The following FBLN2 variants were observed in gnomAD, a reference collection of about 807,000 sequenced individuals.
FBLN2 encodes fibulin-2.
In FBLN2, 81 loss-of-function variants were observed where a neutral mutation model predicts 123.7. The ratio of observed to expected loss-of-function variants is 0.65; its 90% CI spans 0.55 to 0.79. The LOEUF (loss-of-function observed/expected upper bound fraction) is 0.79, where lower values mean the gene tolerates loss of function less well. FBLN2 is among the 30% of genes least tolerant of loss of function. FBLN2 has a pLI of 0.00. For missense variants in FBLN2, 1,603 were observed against 1,681.3 expected, an observed-to-expected ratio of 0.95 and a Z score of 0.81; for synonymous variants, 699 against 701.4, an observed-to-expected ratio of 1.00 and a Z score of 0.05.
intron 1 of FBLN2, among the ~76,000 whole-genome samples, chr3:13,549,765 CCTGTCACCA>C (rs1703273743): frequency 6.6e-6 from 1 of 152,034 alleles, no homozygotes; most frequent in South Asian, 2.1e-4. Flanking sequence ...GCCCACCCTG[CCTGTCACCA>C]CATCCTCCCT....
intron 1 of FBLN2, among the ~76,000 whole-genome samples, chr3:13,550,737 G>A (rs1230363606): frequency 1.3e-5 from 2 of 152,206 alleles, no homozygotes; most frequent in African/African-American, 2.4e-5. Flanking sequence ...CCCCTGGGGT[G>A]CACCCTTGAC....
intron 9 of FBLN2, 89 bp downstream of exon 9, chr3:13,622,004 G>C: frequency 1.4e-6 from 2 of 1,467,760 alleles, no homozygotes; most frequent in Non-Finnish European, 1.8e-6. Flanking sequence ...CATGCCAAAG[G>C]GCCTGCCCTT....
At chr3:13,550,803 A>C (rs1037006684) in intron 1 of FBLN2, among the ~76,000 whole-genome samples, 12 of 152,204 alleles carry the variant, frequency 7.9e-5, no homozygotes, top group African/African-American at 2.9e-4. Context: ...CAGGGGATGA[A>C]GTCAAAGAAT....
At chr3:13,559,519 A>G (rs1299504083) in intron 1 of FBLN2, among the ~76,000 whole-genome samples, 2 of 152,130 alleles carry the variant, frequency 1.3e-5, no homozygotes, top group South Asian at 2.1e-4. Flanking sequence ...TATAGTCTCT[A>G]ATTGTCCTGG....
chr3:13,582,750 C>T (rs542621047), intron 2 of FBLN2, among the ~76,000 whole-genome samples: 17 of 152,356 alleles, frequency 1.1e-4, no homozygotes, highest in African/African-American at 3.8e-4. Context: ...GGCGGGCTAA[C>T]GGCAGCCAGC....
At chr3:13,581,635 G>C (rs769653874) in intron 2 of FBLN2, among the ~76,000 whole-genome samples, 2 of 152,104 alleles carry the variant, frequency 1.3e-5, no homozygotes, top group Non-Finnish European at 2.9e-5. Context: ...CTGGCCACGA[G>C]AGTCACTGCA....
At chr3:13,586,916 G>A in intron 2 of FBLN2, among the ~76,000 whole-genome samples, 1 of 151,482 alleles carries the variant, frequency 6.6e-6, no homozygotes, top group East Asian at 1.9e-4. Context: ...GGGAGGCTGA[G>A]GGCGGATCAC....
At chr3:13,610,639 T>C (rs921538771) in intron 4 of FBLN2, among the ~76,000 whole-genome samples, 1 of 152,160 alleles carries the variant, frequency 6.6e-6, no homozygotes, top group African/African-American at 2.4e-5. Flanking sequence ...GAGATCAGTT[T>C]GTCTACTAGA....
chr3:13,624,467 C>G (rs1271840178), intron 9 of FBLN2, among the ~76,000 whole-genome samples: 1 of 152,316 alleles, frequency 6.6e-6, no homozygotes, highest in African/African-American at 2.4e-5. Flanking sequence ...CCAAGCCTTC[C>G]TTGGAAACCA....
chr3:13,615,991 A>T (rs1409988493), intron 5 of FBLN2, among the ~76,000 whole-genome samples: 2 of 152,214 alleles, frequency 1.3e-5, no homozygotes, highest in Admixed American at 1.3e-4. Context: ...CTACAGGAAG[A>T]GCTCATATCC....
Position 13,631,318 on chromosome 3 carries a change from C to T in FBLN2, c.3086-11C>T, listed in dbSNP as rs764142584. 1.9e-6 allele frequency: 3 copies of T among 1,600,204 alleles called. No homozygotes were observed. Among genetic ancestry groups the T allele is most frequent in the Middle Eastern group, 1.6e-4 (1 of 6,068 alleles). ...ACGAGGTTCACCAGGGGCTGAACCT[C>T]TCTCTGACAGACATCGACGAGTGTG... On this transcript the variant is annotated splice_polypyrimidine_tract_variant and intron_variant, in intron 15 of 17. Transcript: ENST00000404922.
rs1703880082 is a variant in FBLN2, at chr3:13,570,096, C to T, written c.-41-219C>T. 1.3e-5 allele frequency among the ~76,000 whole-genome samples: 2 copies of T among 152,140 alleles called. 1 individual carries two copies. The highest frequency in any genetic ancestry group is 4.1e-4 in the South Asian group (2 of 4,830). ...GGCTGTCAGCGACTCCAGGTCAACA[C>T]CTGTGGCGCCCAGCGACTAGACACT... On this transcript the variant is annotated intron_variant, in intron 1 of 17. Coordinates refer to ENST00000404922, the MANE Select transcript of FBLN2 (RefSeq NM_001004019.2).
At position 13,629,759 on chromosome 3, in the gene FBLN2, G is replaced by T; in HGVS notation, c.2843-61G>T. 5.2e-6 allele frequency: 8 copies of T among 1,529,536 alleles called. No individual in the cohort carries two copies. In the Admixed American group the frequency reaches 6.4e-5, roughly 12 times the overall value. The allele number at this position is 1,529,536 out of a possible 1,614,324, so 94.7% of individuals were successfully genotyped here. On this transcript the variant is annotated intron_variant, in intron 13 of 17. Transcript: ENST00000404922. ...CCCCTTCGGCCCTGGATGGCCCTTG[G>T]GGGTGGAGGGAGCTGGCTTTAGGGC... is the stretch of plus-strand genomic sequence containing the variant.
intron 4 of FBLN2, 50 bp downstream of exon 4, chr3:13,609,692 G>GGGGGGC: frequency 2.2e-5 from 11 of 508,392 alleles, no homozygotes; most frequent in East Asian, 1.3e-4. Context: ...GGCGGGGCGG[G>GGGGGGC]AGGCTGGCCT....
intron 1 of FBLN2, among the ~76,000 whole-genome samples, chr3:13,554,963 T>G (rs865980287): frequency 1.4e-5 from 1 of 71,982 alleles, no homozygotes; most frequent in Non-Finnish European, 2.9e-5. Flanking sequence ...TTTTTTTTTT[T>G]TTTTTTAAAT....
In FBLN2 at chr3:13,631,436, G is replaced by A; in HGVS notation, c.3193G>A (p.Ala1065Thr). 1 of 1,594,556 alleles carries A rather than the reference G, an allele frequency of 6.3e-7. No homozygotes were observed. The highest frequency in any genetic ancestry group is 8.5e-7 in the Non-Finnish European group (1 of 1,170,764). ...ACPEQGYTMT[A>T]NGRSCKDVDE... Reference sequence around the variant, plus strand: ...CCCTGAGCAGGGCTACACCATGACGGCCAACGGGAGGTCCTGCAAGGGTGA... The same window carrying A: ...CCCTGAGCAGGGCTACACCATGACGACCAACGGGAGGTCCTGCAAGGGTGA... The change falls in exon 16 of 18, where the codon GCC (alanine) becomes ACC (threonine). Residue 1065 changes from alanine (A) to threonine (T), a missense_variant. Ala to Thr is a moderately conservative substitution (Grantham distance 58). Transcript: ENST00000404922.
intron 1 of FBLN2, among the ~76,000 whole-genome samples, chr3:13,551,682 G>A (rs1400479822): frequency 6.6e-6 from 1 of 152,074 alleles, no homozygotes; most frequent in African/African-American, 2.4e-5. Context: ...AAATGCTTGG[G>A]GCATGCTGAT....
intron 4 of FBLN2, among the ~76,000 whole-genome samples, chr3:13,612,318 TC>T: frequency 6.8e-6 from 1 of 146,830 alleles, no homozygotes; most frequent in South Asian, 2.2e-4. Context: ...TTTCTTTCTT[TC>T]TTTCTTTCTT....
chr3:13,582,393 GC>G (rs1481740263), intron 2 of FBLN2, among the ~76,000 whole-genome samples: 1 of 152,176 alleles, frequency 6.6e-6, no homozygotes, highest in East Asian at 1.9e-4. Flanking sequence ...TCCTCTACCT[GC>G]CAGCACCTCC....
Sources: allele counts gnomAD v4.1 joint callset (sites outside exome capture counted in the v4.1 genomes callset), GRCh38; gene constraint gnomAD v4.1.1; transcripts MANE v1.5; gene names NCBI Gene and HGNC (gene_info 2026-07-23, HGNC 2026-07-21).